Variants in R3HDM1 observed in about 807,000 individuals in gnomAD.
R3HDM1 encodes the protein R3H domain containing 1, also known as R3H domain-containing protein 1.
Under a neutral mutation model 141.1 loss-of-function variants are expected in R3HDM1, and 46 were observed. The ratio of observed to expected loss-of-function variants is 0.33; its 90% CI spans 0.26 to 0.42. R3HDM1 has a LOEUF of 0.42. R3HDM1 is among the 10% of genes least tolerant of loss of function. The pLI, the probability that R3HDM1 is intolerant of heterozygous loss-of-function variation, is 1.00. For missense variants in R3HDM1, 1,184 were observed against 1,368.3 expected (o/e 0.87, Z 2.12); for synonymous variants, 435 against 472.9 (o/e 0.92, Z 1.04).
At chr2:135,622,041 T>A in intron 6 of R3HDM1, 1 of 984,572 alleles carries the variant, frequency 1.0e-6, no homozygotes, top group Non-Finnish European at 1.2e-6. Flanking sequence ...TTACCTAGCA[T>A]TGCAGATCAA....
intron 18 of R3HDM1, among the ~76,000 whole-genome samples, chr2:135,659,737 C>G (rs538233284): frequency 1.3e-5 from 2 of 152,176 alleles, no homozygotes; most frequent in South Asian, 4.1e-4. Flanking sequence ...CATACCCAGC[C>G]CAGAAGGACT....
chr2:135,626,209 G>GTGTGTGCTTGCTTGCTTGCT (rs1553576638), intron 7 of R3HDM1, among the ~76,000 whole-genome samples: 3,698 of 143,402 alleles, frequency 0.026, 79 homozygotes, highest in South Asian at 0.063. Flanking sequence ...GCGTGCGTGC[G>GTGTGTGCTTGCTTGCTTGCT]TGCTTGCTTG....
chr2:135,536,525 A>G (rs1696165748), intron 1 of R3HDM1: 1 of 926,332 alleles, frequency 1.1e-6, no homozygotes, highest in African/African-American at 1.8e-5. Context: ...ACTCCCTATA[A>G]CAACTTCATC....
At chr2:135,559,007 T>C in intron 1 of R3HDM1, 1 of 983,838 alleles carries the variant, frequency 1.0e-6, no homozygotes, top group Non-Finnish European at 1.2e-6. Context: ...TTACAAAAAC[T>C]TAAAACTAAA....
intron 19 of R3HDM1, chr2:135,666,949 C>A: frequency 7.7e-6 from 2 of 258,088 alleles, no homozygotes; most frequent in Non-Finnish European, 5.9e-6. Flanking sequence ...AAACTACCTT[C>A]ACAGTGCTTC....
In R3HDM1 at chr2:135,715,594, G is replaced by A. The variant is rs999866894; in HGVS notation, c.2781G>A (p.Ser927=). Residue 927 remains serine, a synonymous_variant, in exon 24 of 27, where the codon TCG becomes TCA. Coordinates refer to ENST00000683871, the MANE Select transcript of R3HDM1 (RefSeq NM_001378107.1). ...GCCCCATTATTTCACCAGCTCAGTC[G>A]CCAGCACCAGCTCAGCTGTCCACCC... ...LSSPIISPAQ[S]PAPAQLSTLK... is the part of the protein sequence containing the mutation. 31 of 1,613,782 alleles carry A rather than the reference G, an allele frequency of 1.9e-5. No individual in the cohort carries two copies. Among genetic ancestry groups the A allele is most frequent in the Admixed American group, 1.7e-4 (10 of 59,962 alleles).
chr2:135,636,805 AAG>A (rs2063306501), intron 11 of R3HDM1, among the ~76,000 whole-genome samples: 2 of 151,894 alleles, frequency 1.3e-5, no homozygotes, highest in Non-Finnish European at 2.9e-5. Flanking sequence ...AAAAAAAAAA[AAG>A]AAGATTAAAT....
chr2:135,565,852 GAA>G (rs1702673775), intron 1 of R3HDM1: 1 of 152,742 alleles, frequency 6.5e-6, no homozygotes, highest in African/African-American at 2.4e-5. Context: ...AAAGGAATGA[GAA>G]AAAGACAGTT....
At chr2:135,606,299 G>A (rs2060041881) in intron 3 of R3HDM1, 1 of 152,190 alleles carries the variant, frequency 6.6e-6, no homozygotes, top group Non-Finnish European at 1.5e-5. Flanking sequence ...AGAAAGCCAA[G>A]CAAAGCTGCA....
At chr2:135,568,838 G>T (rs1490698080) in intron 1 of R3HDM1, 1 of 152,180 alleles carries the variant, frequency 6.6e-6, no homozygotes, top group Admixed American at 6.5e-5. Context: ...AGTGGATGAG[G>T]TCCAACGATT....
At chr2:135,659,079 G>GTGTGTGTA (rs2066318055) in intron 18 of R3HDM1, among the ~76,000 whole-genome samples, 1 of 151,462 alleles carries the variant, frequency 6.6e-6, no homozygotes, top group African/African-American at 2.4e-5. Context: ...GTGTGTGTGT[G>GTGTGTGTA]TGTGTGTGTT....
At chr2:135,553,244 G>A (rs1450001877) in intron 1 of R3HDM1, among the ~76,000 whole-genome samples, 1 of 152,148 alleles carries the variant, frequency 6.6e-6, no homozygotes, top group African/African-American at 2.4e-5. Flanking sequence ...ATATTTGAAA[G>A]AGTCTTTCTG....
Position 135,724,020 on chromosome 2 carries a change from A to C in R3HDM1, c.3133A>C (p.Lys1045Gln). 1 of 1,614,056 alleles carries C rather than the reference A, an allele frequency of 6.2e-7. No individual in the cohort carries two copies. The highest frequency in any genetic ancestry group is 1.1e-5 in the South Asian group (1 of 91,076). The change falls in exon 27 of 27, where the codon AAA (lysine) becomes CAA (glutamine). Residue 1045 changes from lysine to glutamine, a missense_variant. Lys to Gln is a moderately conservative substitution (Grantham distance 53, BLOSUM62 1). This residue lies in a region of R3HDM1 where 182 missense variants were observed against 252.6 expected (regional missense o/e 0.72). Transcript: ENST00000683871. ...TGAAAAGCTTTTTGGGGAACTCTTT[A>C]AAATTGGCGCCAAGATCCGGTGGCT... Reference protein sequence around the residue: ...EAEKLFGELFKIGAKIRWLRD... With the variant: ...EAEKLFGELFQIGAKIRWLRD...
chr2:135,699,512 G>C (rs1035966743), intron 21 of R3HDM1, among the ~76,000 whole-genome samples: 1 of 150,406 alleles, frequency 6.6e-6, no homozygotes, highest in African/African-American at 2.4e-5. Flanking sequence ...AGGACAAGGA[G>C]AGTATAAGGA....
At chr2:135,622,071 T>A in intron 6 of R3HDM1, 1 of 984,452 alleles carries the variant, frequency 1.0e-6, no homozygotes, top group Non-Finnish European at 1.2e-6. Flanking sequence ...TTTTTAAATT[T>A]AAAAACCCAG....
rs749930792 is a variant in R3HDM1 at position 135,714,787 on chromosome 2, A to ACG, written c.2737-762_2737-761insGC. The stretch of plus-strand genomic sequence containing the variant: ...TATACACACACACACACACACACAC[A>ACG]CACAGAGAAAGCAGTGTAATAAAAG... On this transcript the variant is annotated intron_variant, in intron 23 of 26. Transcript: ENST00000683871. Among the ~76,000 whole-genome samples, 404 of 151,878 alleles carry ACG rather than the reference A, an allele frequency of 2.7e-3. 24 individuals carry two copies. In the Middle Eastern group the frequency reaches 0.12, roughly 45 times the overall value.
Position 135,724,810 on chromosome 2 carries a change from A to G in R3HDM1, c.*518A>G, listed in dbSNP as rs551877691. 6.5e-6 allele frequency: 1 copy of G among 152,782 alleles called. No individual in the cohort carries two copies. Among genetic ancestry groups the G allele is most frequent in the South Asian group, 2.1e-4 (1 of 4,816 alleles). 9.5% of individuals were successfully genotyped at this position (152,782 alleles called of 1,614,324 possible). On this transcript the variant is annotated 3_prime_UTR_variant, in exon 27 of 27. Transcript: ENST00000683871. ...AAATAGAGGATTACTCTTCCCCTGA[A>G]TCTCTAAACTCAGAAACAATTACCA...
chr2:135,641,752 G>T lies in R3HDM1; in HGVS notation c.1436G>T (p.Gly479Val). The T allele has an allele frequency of 1.2e-6, 2 of 1,614,046 alleles. No homozygotes were observed. The highest frequency in any genetic ancestry group is 1.7e-6 in the Non-Finnish European group (2 of 1,179,960). The change falls in exon 15 of 27, where the codon GGC becomes GTC. Residue 479 changes from glycine to valine, a missense_variant. Gly to Val is a moderately radical substitution (Grantham distance 109, BLOSUM62 -3). Around this residue, in one of 5 missense-constraint regions of R3HDM1, gnomAD observed 563 missense variants for 562.0 expected, o/e 1.00. Transcript: ENST00000683871. Reference sequence around the variant, plus strand: ...TTTTTGCTTCCCTTGGAAGCGGCAGGCATACCACCTGGCAGTATTCTGATC... The same window carrying T: ...TTTTTGCTTCCCTTGGAAGCGGCAGTCATACCACCTGGCAGTATTCTGATC... ...SFFLLPLEAAGIPPGSILINP... is the reference protein window; with the variant it reads ...SFFLLPLEAAVIPPGSILINP...
intron 16 of R3HDM1, chr2:135,649,435 T>A (rs2064888182): frequency 6.6e-6 from 1 of 152,116 alleles, no homozygotes. Flanking sequence ...AGTAGGGTAA[T>A]TGGAATAGTT....
Sources: allele counts gnomAD v4.1 joint callset (sites outside exome capture counted in the v4.1 genomes callset), GRCh38; gene constraint gnomAD v4.1.1; regional missense constraint gnomAD v4.1.1; transcripts MANE v1.5; gene names NCBI Gene and HGNC (gene_info 2026-07-23, HGNC 2026-07-21).